Variants in CPM observed in about 807,000 individuals in gnomAD.
CPM encodes carboxypeptidase M.
CPM carries 35 observed loss-of-function variants against 46.4 expected under a neutral mutation model. That is an observed-to-expected ratio of 0.75 (90% CI 0.58 to 1.00). The LOEUF is 1.00. CPM is among the 50% of genes least tolerant of loss of function. The pLI is 0.00. For missense variants in CPM, 422 were observed against 530.4 expected, an observed-to-expected ratio of 0.80 and a Z score of 2.01; for synonymous variants, 195 against 195.3, an observed-to-expected ratio of 1.00 and a Z score of 0.01.
chr12:68,919,832 T>C (rs1000361061), intron 2 of CPM, among the ~76,000 whole-genome samples: 2 of 152,244 alleles, frequency 1.3e-5, no homozygotes, highest in African/African-American at 4.8e-5. Flanking sequence ...TCTGCCCCAA[T>C]TGAACAATCT....
intron 1 of CPM, among the ~76,000 whole-genome samples, chr12:68,945,411 A>C (rs957000587): frequency 1.1e-4 from 16 of 152,196 alleles, no homozygotes; most frequent in African/African-American, 3.9e-4. Context: ...AGGTGGTTTC[A>C]GTTCCCTCCC....
At chr12:68,860,244 T>C (rs1885149611) in intron 7 of CPM, among the ~76,000 whole-genome samples, 1 of 152,138 alleles carries the variant, frequency 6.6e-6, no homozygotes, top group Non-Finnish European at 1.5e-5. Context: ...CCTTCTCCCT[T>C]TCTCTATACA....
At chr12:68,849,951 G>C (rs1452812220), downstream of CPM, 1 of 152,086 alleles carries the variant, frequency 6.6e-6, no homozygotes, top group African/African-American at 2.4e-5. Context: ...CAAGAGAGCA[G>C]AGAAATAATA....
intron 1 of CPM, among the ~76,000 whole-genome samples, chr12:68,961,108 A>G (rs962225702): frequency 6.6e-6 from 1 of 152,208 alleles, no homozygotes; most frequent in Non-Finnish European, 1.5e-5. Context: ...TATCAGAAGG[A>G]TGAGAAGAGT....
intron 1 of CPM, among the ~76,000 whole-genome samples, chr12:68,961,205 A>G (rs765889277): frequency 4.6e-5 from 7 of 152,186 alleles, no homozygotes; most frequent in Non-Finnish European, 1.0e-4. Context: ...GCTGGAGTGC[A>G]GTGGTGTGAT....
intron 3 of CPM, among the ~76,000 whole-genome samples, chr12:68,872,161 T>C (rs1482596761): frequency 1.3e-5 from 2 of 151,976 alleles, no homozygotes; most frequent in Non-Finnish European, 2.9e-5. Context: ...TGCTGAAAAA[T>C]GCTAGTAAGA....
chr12:68,948,528 G>A (rs78400544), intron 1 of CPM, among the ~76,000 whole-genome samples: 1 of 151,938 alleles, frequency 6.6e-6, no homozygotes, highest in African/African-American at 2.4e-5. Flanking sequence ...GGGGGTTTTG[G>A]GGGGAGGGTA....
At chr12:68,935,412 C>T (rs115022977), upstream of CPM, among the ~76,000 whole-genome samples, 730 of 152,112 alleles carry the variant, frequency 4.8e-3, 11 homozygotes, top group African/African-American at 0.017. Context: ...AGGCACGCAT[C>T]GCCACACCTA....
intron 2 of CPM, among the ~76,000 whole-genome samples, chr12:68,911,510 T>C (rs1350163663): frequency 2.0e-5 from 3 of 152,006 alleles, no homozygotes; most frequent in African/African-American, 7.2e-5. Flanking sequence ...GGGTGTTGTG[T>C]AGATTCATTG....
chr12:68,958,628 G>A (rs1889064460), intron 1 of CPM, among the ~76,000 whole-genome samples: 1 of 152,040 alleles, frequency 6.6e-6, no homozygotes, highest in South Asian at 2.1e-4. Context: ...AGATACCATC[G>A]TTTCTCTCCT....
At chr12:68,940,180 C>G (rs1024330922) in intron 1 of CPM, among the ~76,000 whole-genome samples, 3 of 151,478 alleles carry the variant, frequency 2.0e-5, no homozygotes, top group African/African-American at 7.3e-5. Context: ...AAAAATTGAA[C>G]AGAAAGTATA....
At chr12:68,857,657 A>T (rs543734479) in intron 8 of CPM, among the ~76,000 whole-genome samples, 3 of 152,128 alleles carry the variant, frequency 2.0e-5, no homozygotes, top group African/African-American at 7.2e-5. Flanking sequence ...ACATTTACAT[A>T]ACCACTCATT....
At chr12:68,933,718 A>G (rs966384792), upstream of CPM, among the ~76,000 whole-genome samples, 1 of 152,168 alleles carries the variant, frequency 6.6e-6, no homozygotes, top group African/African-American at 2.4e-5. Flanking sequence ...CAGCGAGGCT[A>G]AGCAATCACG....
At chr12:68,876,709 G>A (rs143023171) in intron 3 of CPM, among the ~76,000 whole-genome samples, 10 of 152,246 alleles carry the variant, frequency 6.6e-5, no homozygotes, top group Admixed American at 3.9e-4. Flanking sequence ...CACCCAGAAA[G>A]CAGAAAATAC....
intron 4 of CPM, 175 bp downstream of exon 4, chr12:68,871,609 T>A: frequency 6.0e-6 from 4 of 665,314 alleles, no homozygotes; most frequent in Non-Finnish European, 1.0e-5. Context: ...TTGCATTTCT[T>A]CCTGCAAGCC....
chr12:68,942,702 A>T (rs928432205), intron 1 of CPM, among the ~76,000 whole-genome samples: 1 of 152,212 alleles, frequency 6.6e-6, no homozygotes, highest in African/African-American at 2.4e-5. Context: ...AAAGAATTTC[A>T]CATGTTCAAA....
chr12:68,845,659 A>G (rs1236950906), intron 5 of CPM: 1 of 174,582 alleles, frequency 5.7e-6, no homozygotes, highest in Admixed American at 6.4e-5. Flanking sequence ...CAGTCCTACA[A>G]TCCCACATCT....
intron 1 of CPM, among the ~76,000 whole-genome samples, chr12:68,939,003 C>A: frequency 6.8e-6 from 1 of 146,790 alleles, no homozygotes; most frequent in African/African-American, 2.5e-5. Flanking sequence ...ATAAATATAT[C>A]TGTAAGTATA....
chr12:68,876,568 A>G (rs1885959164), intron 3 of CPM, among the ~76,000 whole-genome samples: 1 of 152,206 alleles, frequency 6.6e-6, no homozygotes, highest in Non-Finnish European at 1.5e-5. Context: ...TTCACCCAGC[A>G]TGCTGGCTTC....
Sources: allele counts gnomAD v4.1 joint callset (sites outside exome capture counted in the v4.1 genomes callset), GRCh38; gene constraint gnomAD v4.1.1; transcripts MANE v1.5; gene names NCBI Gene and HGNC (gene_info 2026-07-23, HGNC 2026-07-21).